The following ABCA13 variants were observed in gnomAD, a reference collection of about 807,000 sequenced individuals.
The protein encoded by ABCA13 is ATP-binding cassette sub-family A member 13.
ABCA13 carries 476 observed loss-of-function variants against 478.7 expected under a neutral mutation model. The observed-to-expected ratio is 0.99, with a 90% CI of 0.92 to 1.07. The LOEUF (loss-of-function observed/expected upper bound fraction) is 1.07, where lower values mean the gene tolerates loss of function less well. ABCA13 is among the 50% of genes least tolerant of loss of function. The pLI is 0.00. For synonymous variants in ABCA13, 2,252 were observed against 2,158.9 expected (o/e 1.04, Z -1.20); for missense variants, 6,060 against 5,910.6 (o/e 1.03, Z -0.83).
intron 58 of ABCA13, among the ~76,000 whole-genome samples, chr7:48,605,263 C>T (rs1791351228): frequency 6.6e-6 from 1 of 152,128 alleles, no homozygotes. Flanking sequence ...GAATTTGATC[C>T]TATCATTATG....
At chr7:48,581,326 C>T (rs1208390818) in intron 56 of ABCA13, among the ~76,000 whole-genome samples, 1 of 152,052 alleles carries the variant, frequency 6.6e-6, no homozygotes, top group Admixed American at 6.6e-5. Flanking sequence ...CTTATTTATG[C>T]TTTCTAACTT....
At chr7:48,471,970 G>A (rs1304052348) in intron 45 of ABCA13, among the ~76,000 whole-genome samples, 1 of 152,050 alleles carries the variant, frequency 6.6e-6, no homozygotes, top group Admixed American at 6.6e-5. Context: ...TTTTTATTTG[G>A]GCTAGATATT....
chr7:48,481,794 C>T (rs192974674), intron 46 of ABCA13, among the ~76,000 whole-genome samples: 10 of 152,090 alleles, frequency 6.6e-5, no homozygotes, highest in African/African-American at 1.7e-4. Flanking sequence ...AGGCATGAGC[C>T]GATAGCTTTT....
At position 48,314,318 on chromosome 7, in the gene ABCA13, C is replaced by T. The variant is rs1802226363; in HGVS notation, c.9768C>T (p.Phe3256=). The change falls in exon 26 of 62, where the codon TTC becomes TTT. Residue 3256 remains phenylalanine (F), a synonymous_variant. Transcript: ENST00000435803. ...TGGTTTGCAAGGACCAAGCATCATT[C>T]CTTAGCGATTCTAATATGTTTATTA... ...MKMVCKDQAS[F]LSDSNMFINL... is the part of the protein sequence containing the mutation. The T allele has an allele frequency of 6.2e-7, 1 of 1,613,570 alleles. No individual in the cohort carries two copies. Among genetic ancestry groups the T allele is most frequent in the South Asian group, 1.1e-5 (1 of 90,918 alleles).
intron 50 of ABCA13, 120 bp downstream of exon 50, chr7:48,508,169 T>A (rs191927992): frequency 6.6e-6 from 8 of 1,215,506 alleles, no homozygotes; most frequent in Non-Finnish European, 9.4e-6. Flanking sequence ...CAAAAAGGGG[T>A]CATCTTATTG....
At chr7:48,431,695 C>A (rs886782376) in intron 42 of ABCA13, among the ~76,000 whole-genome samples, 2 of 152,102 alleles carry the variant, frequency 1.3e-5, no homozygotes, top group South Asian at 4.1e-4. Context: ...GTACATAAAT[C>A]ATCACAATTT....
intron 15 of ABCA13, among the ~76,000 whole-genome samples, chr7:48,267,905 A>G (rs1214757691): frequency 1.3e-5 from 2 of 152,154 alleles, no homozygotes; most frequent in African/African-American, 4.8e-5. Flanking sequence ...TTGCATGCCT[A>G]TAAATAATCT....
intron 38 of ABCA13, among the ~76,000 whole-genome samples, chr7:48,400,537 A>G (rs1446850838): frequency 5.3e-5 from 8 of 152,258 alleles, no homozygotes. Flanking sequence ...TATAAGATCA[A>G]TAACTAGAAA....
chr7:48,350,764 C>G lies in ABCA13; in HGVS notation c.10326C>G (p.Val3442=), dbSNP rs757613121. Residue 3442 remains valine, a synonymous_variant, in exon 30 of 62, where the codon GTC becomes GTG. Coordinates refer to ENST00000435803, the MANE Select transcript of ABCA13 (RefSeq NM_152701.5). ...ACCGTTTCCAGGCTCTGCAGTCTGTCGACATCCTGGAGACTAAAGCACATG... is the reference window on the plus strand; with the variant it reads ...ACCGTTTCCAGGCTCTGCAGTCTGTGGACATCCTGGAGACTAAAGCACATG... ...ALNRFQALQS[V]DILETKAHEL... 16 of 1,613,888 alleles carry G rather than the reference C, an allele frequency of 9.9e-6. No homozygotes were observed. The East Asian group carries it at 3.3e-4, about 34-fold the overall frequency.
chr7:48,622,044 T>G (rs544325350), intron 59 of ABCA13, among the ~76,000 whole-genome samples: 1 of 152,292 alleles, frequency 6.6e-6, no homozygotes, highest in South Asian at 2.1e-4. Flanking sequence ...CCTGGTCATC[T>G]TGACCTCATT....
chr7:48,340,009 C>G (rs1045517421), intron 29 of ABCA13, among the ~76,000 whole-genome samples: 3 of 152,182 alleles, frequency 2.0e-5, no homozygotes, highest in African/African-American at 7.2e-5. Context: ...TAAACAGTAC[C>G]TGGAAACTGA....
chr7:48,219,550 GC>G, intron 4 of ABCA13, 45 bp downstream of exon 4: 1 of 1,571,522 alleles, frequency 6.4e-7, no homozygotes, highest in South Asian at 1.2e-5. Context: ...CCTGGACATA[GC>G]TTAAGGAGAG....
At chr7:48,403,650 A>G (rs1343426605) in intron 38 of ABCA13, 33 bp from the exon 39 acceptor site, 2 of 1,601,642 alleles carry the variant, frequency 1.2e-6, no homozygotes, top group South Asian at 1.1e-5. Flanking sequence ...TAAGGTGTTC[A>G]GGGAGAAGAG....
intron 8 of ABCA13, among the ~76,000 whole-genome samples, chr7:48,235,052 G>A (rs57501478): frequency 0.093 from 14,207 of 152,198 alleles, 772 homozygotes; most frequent in South Asian, 0.17. Context: ...CTGGATCTGT[G>A]CTCTCAGTCT....
chr7:48,382,836 G>A (rs147460364), intron 35 of ABCA13, among the ~76,000 whole-genome samples: 215 of 151,864 alleles, frequency 1.4e-3, no homozygotes, highest in Middle Eastern at 6.8e-3. Flanking sequence ...ATTCATTGGC[G>A]TGTCCCTCGT....
chr7:48,478,612 C>T (rs532038200), intron 45 of ABCA13, among the ~76,000 whole-genome samples: 21 of 151,936 alleles, frequency 1.4e-4, no homozygotes, highest in Non-Finnish European at 2.6e-4. Flanking sequence ...CGGGAGAAGA[C>T]GCATTCTGTA....
chr7:48,519,615 A>G (rs1244036241), intron 52 of ABCA13, among the ~76,000 whole-genome samples: 2 of 152,078 alleles, frequency 1.3e-5, no homozygotes, highest in Non-Finnish European at 2.9e-5. Context: ...TTTCTAATTT[A>G]TTTCTTTGTA....
chr7:48,374,420 A>G lies in ABCA13; in HGVS notation c.11203+4A>G, dbSNP rs2129031842. On this transcript the variant is annotated splice_donor_region_variant and intron_variant, in intron 34 of 61. Coordinates refer to ENST00000435803, the MANE Select transcript of ABCA13 (RefSeq NM_152701.5). ...TTCCTGGAAGGACAAGAGACAGGTA[A>G]GAGCATGCATGTGTAAAAAGTGACT... The G allele has an allele frequency of 6.2e-7, 1 of 1,606,512 alleles. No individual in the cohort carries two copies.
chr7:48,227,455 A>G, intron 6 of ABCA13, 30 bp downstream of exon 6: 6 of 1,607,304 alleles, frequency 3.7e-6, no homozygotes, highest in Non-Finnish European at 4.2e-6. Flanking sequence ...ATAACTAAGT[A>G]TCAATATGTT....
Sources: allele counts gnomAD v4.1 joint callset (sites outside exome capture counted in the v4.1 genomes callset), GRCh38; gene constraint gnomAD v4.1.1; transcripts MANE v1.5; gene names NCBI Gene and HGNC (gene_info 2026-07-23, HGNC 2026-07-21).